LARP1B: variants seen among roughly 807,000 people sequenced by gnomAD.
LARP1B encodes La ribonucleoprotein 1B.
A neutral mutation model predicts 114.2 loss-of-function variants in LARP1B; 76 were observed. The observed-to-expected ratio is 0.67, with a 90% CI of 0.55 to 0.81. The LOEUF is 0.81. LARP1B is among the 30% of genes least tolerant of loss of function. The pLI, the probability that LARP1B is intolerant of heterozygous loss-of-function variation, is 0.00. For missense variants in LARP1B, 1,014 were observed against 1,075.8 expected (o/e 0.94, Z 0.80); for synonymous variants, 345 against 348.0 (o/e 0.99, Z 0.10).
At chr4:128,136,810 C>T (rs1182879886) in intron 11 of LARP1B, among the ~76,000 whole-genome samples, 1 of 152,108 alleles carries the variant, frequency 6.6e-6, no homozygotes, top group Admixed American at 6.6e-5. Flanking sequence ...ACTATGTTGC[C>T]TGGCTGGTCT....
chr4:128,080,299 T>G (rs1056616685), intron 4 of LARP1B, among the ~76,000 whole-genome samples: 10 of 152,202 alleles, frequency 6.6e-5, no homozygotes, highest in Non-Finnish European at 1.2e-4. Context: ...CTTTAATTGC[T>G]TCAATTAAAA....
chr4:128,083,495 G>A (rs1373076706), intron 5 of LARP1B, among the ~76,000 whole-genome samples: 10 of 150,188 alleles, frequency 6.7e-5, no homozygotes, highest in African/African-American at 2.4e-4. Flanking sequence ...CAGGCAGAGG[G>A]GCGCCTCACT....
chr4:128,077,687 A>G, intron 3 of LARP1B, 101 bp from the exon 4 acceptor site: 1 of 1,254,580 alleles, frequency 8.0e-7, no homozygotes, highest in East Asian at 2.6e-5. Flanking sequence ...AGTTTTTGTC[A>G]TTTGTTTTGC....
chr4:128,094,475 A>C (rs1289430214), intron 7 of LARP1B, among the ~76,000 whole-genome samples: 1 of 140,540 alleles, frequency 7.1e-6, no homozygotes, highest in East Asian at 2.0e-4. Context: ...ATCTCGGCTC[A>C]CCTCAACCTC....
intron 11 of LARP1B, among the ~76,000 whole-genome samples, chr4:128,133,533 C>A (rs1792219396): frequency 6.6e-6 from 1 of 152,072 alleles, no homozygotes; most frequent in Non-Finnish European, 1.5e-5. Context: ...TCTCATGGGG[C>A]CTTGAATAGT....
intron 12 of LARP1B, among the ~76,000 whole-genome samples, chr4:128,165,227 C>T (rs1740256947): frequency 6.6e-6 from 1 of 151,418 alleles, no homozygotes; most frequent in South Asian, 2.1e-4. Context: ...ATGTATTGGT[C>T]TAGTTGGTCG....
intron 10 of LARP1B, among the ~76,000 whole-genome samples, chr4:128,121,098 T>G (rs1011057404): frequency 1.3e-5 from 2 of 152,186 alleles, no homozygotes; most frequent in Non-Finnish European, 2.9e-5. Context: ...TGTGAGCCAC[T>G]GCACCTGGCC....
intron 7 of LARP1B, among the ~76,000 whole-genome samples, chr4:128,220,924 C>T (rs6534672): frequency 0.61 from 93,422 of 152,048 alleles, 30,513 homozygotes; most frequent in Middle Eastern, 0.83. Flanking sequence ...GTTTGAACTC[C>T]AGTAGTCTGG....
chr4:128,098,768 T>TATATATATA (rs58280279), intron 8 of LARP1B, among the ~76,000 whole-genome samples: 20 of 18,858 alleles, frequency 1.1e-3, no homozygotes, highest in African/African-American at 2.1e-3. Context: ...TATATATATA[T>TATATATATA]TTTTTTTTTT....
chr4:128,129,244 A>T (rs183790457), intron 11 of LARP1B, among the ~76,000 whole-genome samples: 1 of 145,680 alleles, frequency 6.9e-6, no homozygotes, highest in East Asian at 2.1e-4. Context: ...AGTCCCAGCT[A>T]CTGGAGAGGC....
At chr4:128,190,816 G>T (rs747077608) in intron 15 of LARP1B, among the ~76,000 whole-genome samples, 1 of 152,102 alleles carries the variant, frequency 6.6e-6, no homozygotes, top group Non-Finnish European at 1.5e-5. Flanking sequence ...AATATATTTG[G>T]TAATTTCTGA....
intron 11 of LARP1B, among the ~76,000 whole-genome samples, chr4:128,147,812 TA>T (rs1731025487): frequency 6.6e-6 from 1 of 152,216 alleles, no homozygotes; most frequent in Non-Finnish European, 1.5e-5. Context: ...ATATAATTTA[TA>T]AAGTTTCTAG....
intron 1 of LARP1B, among the ~76,000 whole-genome samples, chr4:128,062,592 CTT>C (rs10659836): frequency 1.9e-4 from 24 of 128,222 alleles, no homozygotes; most frequent in Admixed American, 1.7e-4. Flanking sequence ...TTTTGGTAGA[CTT>C]TTTTTTTTTT....
At position 128,122,187 on chromosome 4, in the gene LARP1B, A is replaced by G; in HGVS notation, c.1523A>G (p.Lys508Arg). Reference sequence around the variant, plus strand: ...GATGAAAACAAACACACAGCCATAAAGGTAATTGTTTCTGGCCAACATCTT... The same window carrying G: ...GATGAAAACAAACACACAGCCATAAGGGTAATTGTTTCTGGCCAACATCTT... ...EEDENKHTAI[K>R]QEVENFKKLN... The change falls in exon 11 of 20, where the codon AAG becomes AGG. Residue 508 changes from lysine to arginine, a missense_variant and splice_region_variant. By Grantham distance (26) the Lys-to-Arg change is conservative. Transcript: ENST00000326639. 2 of 1,611,882 alleles carry G rather than the reference A, an allele frequency of 1.2e-6. No homozygotes were observed. Among genetic ancestry groups the G allele is most frequent in the South Asian group, 1.1e-5 (1 of 90,882 alleles).
At chr4:128,085,116 G>A (rs566178603) in intron 5 of LARP1B, among the ~76,000 whole-genome samples, 3 of 152,212 alleles carry the variant, frequency 2.0e-5, no homozygotes, top group Admixed American at 6.5e-5. Flanking sequence ...CACCCACCTC[G>A]ATGTCCCAAA....
chr4:128,158,233 G>A (rs1005098573), intron 11 of LARP1B, among the ~76,000 whole-genome samples: 2 of 152,000 alleles, frequency 1.3e-5, no homozygotes, highest in African/African-American at 2.4e-5. Flanking sequence ...CACACCTTTC[G>A]TATAAAGAAA....
intron 11 of LARP1B, chr4:128,123,383 A>C: frequency 1.0e-6 from 1 of 975,612 alleles, no homozygotes; most frequent in Non-Finnish European, 1.2e-6. Context: ...AGGTTCGGTA[A>C]GTAATACCTA....
chr4:128,104,130 A>G (rs1010588895), intron 8 of LARP1B, among the ~76,000 whole-genome samples: 5 of 151,800 alleles, frequency 3.3e-5, no homozygotes, highest in Non-Finnish European at 5.9e-5. Flanking sequence ...GTAACTCATA[A>G]GATTAGAGAT....
At chr4:128,098,770 T>A (rs1434200458) in intron 8 of LARP1B, among the ~76,000 whole-genome samples, 1,498 of 34,620 alleles carry the variant, frequency 0.043, 38 homozygotes, top group African/African-American at 0.073. Context: ...TATATATATT[T>A]TTTTTTTTTT....
Sources: gnomAD v4.1 joint callset for allele counts (sites outside exome capture counted in the v4.1 genomes callset) on GRCh38, gnomAD v4.1.1 for gene constraint, MANE v1.5 for transcripts, NCBI Gene and HGNC (gene_info 2026-07-23, HGNC 2026-07-21) for gene names.